Variants in ABCC1 observed in about 807,000 individuals in gnomAD.
ABCC1 encodes ATP binding cassette subfamily C member 1 (ABCC1 blood group).
Under a neutral mutation model 172.9 loss-of-function variants are expected in ABCC1, and 83 were observed. That is an observed-to-expected ratio of 0.48 (90% CI 0.40 to 0.58). The LOEUF (loss-of-function observed/expected upper bound fraction) is 0.58, where lower values mean the gene tolerates loss of function less well. Ranked by LOEUF, ABCC1 falls within the 20% of genes least tolerant of loss-of-function variation. The pLI, the probability that ABCC1 is intolerant of heterozygous loss-of-function variation, is 0.00. For missense variants in ABCC1, 1,817 were observed against 2,002.7 expected, an observed-to-expected ratio of 0.91 and a Z score of 1.77; for synonymous variants, 937 against 825.2, an observed-to-expected ratio of 1.14 and a Z score of -2.32.
intron 23 of ABCC1, among the ~76,000 whole-genome samples, chr16:16,121,686 G>T (rs1359535618): frequency 6.6e-6 from 1 of 152,164 alleles, no homozygotes; most frequent in Admixed American, 6.6e-5. Flanking sequence ...AGCACCTCAG[G>T]TTTTTTGTGA....
At chr16:16,082,328 A>G (rs984696614) in intron 16 of ABCC1, among the ~76,000 whole-genome samples, 53 of 152,118 alleles carry the variant, frequency 3.5e-4, no homozygotes, top group African/African-American at 1.3e-3. Flanking sequence ...CATGCCTATA[A>G]TCCCAGCACT....
At chr16:16,012,739 A>G (rs1357122858) in intron 3 of ABCC1, among the ~76,000 whole-genome samples, 4 of 149,758 alleles carry the variant, frequency 2.7e-5, no homozygotes, top group South Asian at 4.2e-4. Flanking sequence ...CCCAGGCGCA[A>G]TGGCATGATC....
At chr16:15,991,631 G>A (rs533805588) in intron 1 of ABCC1, among the ~76,000 whole-genome samples, 24 of 120,640 alleles carry the variant, frequency 2.0e-4, no homozygotes, top group Non-Finnish European at 3.0e-4. Context: ...AGCAGCACCT[G>A]TACTCACTGT....
chr16:16,026,005 GT>G (rs1286970669), intron 5 of ABCC1, among the ~76,000 whole-genome samples: 3 of 152,150 alleles, frequency 2.0e-5, no homozygotes, highest in Non-Finnish European at 4.4e-5. Context: ...CTTGGTTTGG[GT>G]TAAATGACAT....
intron 1 of ABCC1, among the ~76,000 whole-genome samples, chr16:15,960,328 C>A (rs1007815334): frequency 1.3e-5 from 2 of 152,094 alleles, no homozygotes; most frequent in African/African-American, 4.8e-5. Flanking sequence ...AAGCAGTCTC[C>A]CAGAGTGCTG....
chr16:16,040,374 A>AT (rs1177174400), intron 7 of ABCC1, among the ~76,000 whole-genome samples: 1 of 151,488 alleles, frequency 6.6e-6, no homozygotes, highest in African/African-American at 2.4e-5. Flanking sequence ...TGCAACCTCC[A>AT]CCCCCCGGGT....
At chr16:16,039,913 G>T (rs1230122004) in intron 7 of ABCC1, among the ~76,000 whole-genome samples, 1 of 152,116 alleles carries the variant, frequency 6.6e-6, no homozygotes, top group Non-Finnish European at 1.5e-5. Flanking sequence ...GAAAGTGAGT[G>T]AGGGGGAGAA....
At chr16:16,106,380 C>CT (rs201300893) in intron 20 of ABCC1, 222 of 132,636 alleles carry the variant, frequency 1.7e-3, no homozygotes, top group East Asian at 3.9e-3. Flanking sequence ...CTTTTATTGG[C>CT]TTTTTTTTTT....
At chr16:16,026,262 G>A (rs1053261935) in intron 5 of ABCC1, among the ~76,000 whole-genome samples, 4 of 150,606 alleles carry the variant, frequency 2.7e-5, no homozygotes, top group Non-Finnish European at 4.4e-5. Flanking sequence ...TAAAACCCCC[G>A]TCTGTACTAC....
intron 5 of ABCC1, among the ~76,000 whole-genome samples, chr16:16,028,445 C>G (rs1167711249): frequency 6.6e-6 from 1 of 152,082 alleles, no homozygotes; most frequent in African/African-American, 2.4e-5. Flanking sequence ...TCATTGACAG[C>G]CGTGCCCCAC....
chr16:16,108,391 C>T (rs1248607509), intron 21 of ABCC1, among the ~76,000 whole-genome samples: 1 of 151,112 alleles, frequency 6.6e-6, no homozygotes, highest in Non-Finnish European at 1.5e-5. Flanking sequence ...CTGCCTCAGC[C>T]TCCCGAGTAG....
rs1164896014 is a variant in ABCC1, at chr16:16,090,438, T to G, written c.2494T>G (p.Leu832Val). ...RILVTHSMSY[L>V]PQVDVIIVMS... ...CTTGGTCACGCACAGCATGAGCTAC[T>G]TGCCGCAGGTGGACGTCATCATCGT... Residue 832 changes from leucine (L) to valine (V), a missense_variant, in exon 19 of 31, where the codon TTG (leucine) becomes GTG (valine). By Grantham distance (32) the Leu-to-Val change is conservative (BLOSUM62 1). Transcript: ENST00000399410. 1.9e-6 allele frequency: 3 copies of G among 1,611,664 alleles called. No individual in the cohort carries two copies. Among genetic ancestry groups the G allele is most frequent in the Non-Finnish European group, 2.5e-6 (3 of 1,178,556 alleles).
intron 1 of ABCC1, among the ~76,000 whole-genome samples, chr16:15,951,341 G>A (rs1420767665): frequency 5.9e-5 from 9 of 152,102 alleles, no homozygotes; most frequent in African/African-American, 9.7e-5. Flanking sequence ...TTTGGGGTGC[G>A]CTTTGTTTAT....
At chr16:16,113,239 A>C (rs1167769315) in intron 22 of ABCC1, among the ~76,000 whole-genome samples, 6 of 152,212 alleles carry the variant, frequency 3.9e-5, no homozygotes, top group Non-Finnish European at 8.8e-5. Flanking sequence ...AATTGAGGGA[A>C]GGTAGAGAAC....
intron 15 of ABCC1, among the ~76,000 whole-genome samples, chr16:16,078,881 G>C (rs971856486): frequency 6.6e-6 from 1 of 152,150 alleles, no homozygotes; most frequent in African/African-American, 2.4e-5. Context: ...GTTTCACCAT[G>C]TTGGCCAGAC....
intron 26 of ABCC1, 66 bp from the exon 27 acceptor site, chr16:16,131,723 A>T (rs1344110682): frequency 3.8e-6 from 6 of 1,567,160 alleles, no homozygotes; most frequent in Non-Finnish European, 5.2e-6. Context: ...AGGGGAGGTC[A>T]GGGGAGTCAC....
At chr16:16,036,200 T>G (rs1039017140) in intron 6 of ABCC1, among the ~76,000 whole-genome samples, 3 of 152,120 alleles carry the variant, frequency 2.0e-5, no homozygotes, top group African/African-American at 7.2e-5. Context: ...AATCATCTTT[T>G]TTTCCCTAAG....
intron 26 of ABCC1, among the ~76,000 whole-genome samples, chr16:16,127,804 G>C (rs1242701316): frequency 6.6e-6 from 1 of 152,176 alleles, no homozygotes; most frequent in Non-Finnish European, 1.5e-5. Context: ...CCATGTCACG[G>C]GTGAGCATTG....
At chr16:16,078,563 A>G (rs568660252) in intron 15 of ABCC1, among the ~76,000 whole-genome samples, 63 of 152,120 alleles carry the variant, frequency 4.1e-4, no homozygotes, top group African/African-American at 1.4e-3. Flanking sequence ...GCCACTACCT[A>G]CCTCAGTGCC....
Sources: gnomAD v4.1 joint callset for allele counts (sites outside exome capture counted in the v4.1 genomes callset) on GRCh38, gnomAD v4.1.1 for gene constraint, MANE v1.5 for transcripts, NCBI Gene and HGNC (gene_info 2026-07-23, HGNC 2026-07-21) for gene names.